Variants in TSPAN9 observed in about 807,000 individuals in gnomAD.
TSPAN9 encodes tetraspanin 9.
In TSPAN9, 16 loss-of-function variants were observed where a neutral mutation model predicts 31.0. The ratio of observed to expected loss-of-function variants is 0.52; its 90% CI spans 0.35 to 0.78. The LOEUF (loss-of-function observed/expected upper bound fraction) is 0.78. Ranked by LOEUF, TSPAN9 falls within the 30% of genes least tolerant of loss-of-function variation. The pLI is 0.01. For missense variants in TSPAN9, 272 were observed against 312.5 expected (o/e 0.87, Z 0.98); for synonymous variants, 145 against 121.6 (o/e 1.19, Z -1.27).
At chr12:3,218,267 A>G (rs1052760728) in intron 3 of TSPAN9, among the ~76,000 whole-genome samples, 1 of 152,184 alleles carries the variant, frequency 6.6e-6, no homozygotes, top group African/African-American at 2.4e-5. Flanking sequence ...CAAAGGACAG[A>G]TGGGGAGTGA....
chr12:3,122,333 GAGAT>G (rs1454682871), intron 2 of TSPAN9, among the ~76,000 whole-genome samples: 1 of 151,336 alleles, frequency 6.6e-6, no homozygotes, highest in Non-Finnish European at 1.5e-5. Context: ...AAAAAAAAAG[GAGAT>G]AGAGTCTTGC....
chr12:3,222,836 G>T (rs1206662158), intron 3 of TSPAN9, among the ~76,000 whole-genome samples: 1 of 152,214 alleles, frequency 6.6e-6, no homozygotes, highest in Non-Finnish European at 1.5e-5. Flanking sequence ...CCCACCCTGG[G>T]ATGAAAGACC....
At chr12:3,083,477 A>G (rs1454162513) in intron 1 of TSPAN9, among the ~76,000 whole-genome samples, 176 bp from the exon 2 acceptor site, 1 of 152,188 alleles carries the variant, frequency 6.6e-6, no homozygotes, top group African/African-American at 2.4e-5. Context: ...CCCACCGCCA[A>G]CTGAGTGGCA....
chr12:3,226,714 ATGTATGTGTGTGTGTGTGTG>A (rs2098387472), intron 3 of TSPAN9, among the ~76,000 whole-genome samples: 1 of 4,494 alleles, frequency 2.2e-4, no homozygotes, highest in African/African-American at 6.1e-4. Context: ...GTGTATGTGT[ATGTATGTGTGTGTGTGTGTG>A]TGTGTGTGTG....
At chr12:3,241,389 T>C (rs1469464957) in intron 3 of TSPAN9, among the ~76,000 whole-genome samples, 3 of 152,226 alleles carry the variant, frequency 2.0e-5, no homozygotes, top group African/African-American at 7.2e-5. Flanking sequence ...TGAACATACA[T>C]ACTGTAAAGT....
chr12:3,120,274 A>G (rs992355705), intron 2 of TSPAN9, among the ~76,000 whole-genome samples: 75 of 152,022 alleles, frequency 4.9e-4, no homozygotes, highest in Non-Finnish European at 9.0e-4. Context: ...GGGCCTGGGG[A>G]CAGGACACAA....
At chr12:3,193,074 A>C (rs193279272) in intron 2 of TSPAN9, among the ~76,000 whole-genome samples, 1 of 152,264 alleles carries the variant, frequency 6.6e-6, no homozygotes, top group African/African-American at 2.4e-5. Context: ...ATATGGAGCA[A>C]TTAAGTGGTC....
chr12:3,243,603 C>G lies in TSPAN9; in HGVS notation c.64-34818C>G, dbSNP rs775035629. ...AGATCACGGCACAGGAAGCTTCAGT[C>G]GTGGGGACCGATGAGGTGGAGAAGC... On this transcript the variant is annotated intron_variant, in intron 3 of 8. Coordinates refer to ENST00000011898, the MANE Select transcript of TSPAN9 (RefSeq NM_006675.5). 2.0e-5 allele frequency among the ~76,000 whole-genome samples: 3 copies of G among 152,292 alleles called. No homozygotes were observed. The East Asian group carries it at 5.8e-4, about 29-fold the overall frequency.
At chr12:3,162,754 G>A (rs1387948185) in intron 2 of TSPAN9, among the ~76,000 whole-genome samples, 1 of 152,210 alleles carries the variant, frequency 6.6e-6, no homozygotes, top group Non-Finnish European at 1.5e-5. Flanking sequence ...AGATTTAAGG[G>A]AAGTTAATGA....
At chr12:3,234,184 T>C (rs932579596) in intron 3 of TSPAN9, among the ~76,000 whole-genome samples, 6 of 152,254 alleles carry the variant, frequency 3.9e-5, no homozygotes, top group African/African-American at 1.2e-4. Context: ...ACTTTCACAT[T>C]GGCCATGCTG....
intron 3 of TSPAN9, among the ~76,000 whole-genome samples, chr12:3,251,465 T>C (rs1862242929): frequency 6.6e-6 from 1 of 152,226 alleles, no homozygotes. Context: ...AAAAGTTCTT[T>C]TTTCAAAAGT....
chr12:3,281,177 C>A, intron 6 of TSPAN9, 21 bp from the exon 7 acceptor site: 1 of 1,550,526 alleles, frequency 6.4e-7, no homozygotes, highest in Non-Finnish European at 8.7e-7. Flanking sequence ...TCTGACTGCC[C>A]CTTCCATTCC....
chr12:3,218,337 C>T (rs765621087), intron 3 of TSPAN9, among the ~76,000 whole-genome samples: 6 of 152,282 alleles, frequency 3.9e-5, no homozygotes, highest in East Asian at 1.9e-4. Context: ...GAGGAGGAGG[C>T]GTGTTCTCTG....
At chr12:3,240,178 G>A (rs1384987644) in intron 3 of TSPAN9, among the ~76,000 whole-genome samples, 18 of 151,998 alleles carry the variant, frequency 1.2e-4, no homozygotes, top group East Asian at 1.2e-3. Context: ...TTTCCTCCTC[G>A]AGTATTTTAA....
intron 2 of TSPAN9, among the ~76,000 whole-genome samples, chr12:3,184,592 G>C (rs766864792): frequency 6.6e-6 from 1 of 152,132 alleles, no homozygotes; most frequent in Non-Finnish European, 1.5e-5. Context: ...AGGGCTCCCC[G>C]ATGATAGCAC....
chr12:3,268,800 CT>C (rs1862600915), intron 3 of TSPAN9, among the ~76,000 whole-genome samples: 3 of 65,032 alleles, frequency 4.6e-5, no homozygotes, highest in Non-Finnish European at 7.8e-5. Context: ...AGCCTGCCCT[CT>C]CTGTGTTCCT....
At chr12:3,114,598 T>C (rs1307660742) in intron 2 of TSPAN9, among the ~76,000 whole-genome samples, 1 of 152,088 alleles carries the variant, frequency 6.6e-6, no homozygotes, top group Non-Finnish European at 1.5e-5. Context: ...CACCCAGCAC[T>C]TTGGGAGGCT....
chr12:3,150,719 C>A (rs532917255), intron 2 of TSPAN9, among the ~76,000 whole-genome samples: 2 of 152,160 alleles, frequency 1.3e-5, no homozygotes, highest in Non-Finnish European at 2.9e-5. Flanking sequence ...TTCCCACTTA[C>A]GAGCTGATTT....
chr12:3,087,962 C>T (rs553548003), intron 2 of TSPAN9, among the ~76,000 whole-genome samples: 78 of 152,312 alleles, frequency 5.1e-4, no homozygotes, highest in African/African-American at 1.8e-3. Context: ...CAAAGCTCTC[C>T]GACAAGCCCT....
Sources: gnomAD v4.1 joint callset for allele counts (sites outside exome capture counted in the v4.1 genomes callset) on GRCh38, gnomAD v4.1.1 for gene constraint, MANE v1.5 for transcripts, NCBI Gene and HGNC (gene_info 2026-07-23, HGNC 2026-07-21) for gene names.